NRDC: variants seen among roughly 807,000 people sequenced by gnomAD.
NRDC encodes nardilysin.
Under a neutral mutation model 147.1 loss-of-function variants are expected in NRDC, and 54 were observed. The ratio of observed to expected loss-of-function variants is 0.37; its 90% confidence interval spans 0.29 to 0.46. The LOEUF (loss-of-function observed/expected upper bound fraction) is 0.46. Ranked by LOEUF, NRDC falls within the 20% of genes least tolerant of loss-of-function variation. The pLI, the probability that NRDC is intolerant of heterozygous loss-of-function variation, is 1.00. For synonymous variants in NRDC, 440 were observed against 482.1 expected, an observed-to-expected ratio of 0.91 and a Z score of 1.14; for missense variants, 1,082 against 1,370.6, an observed-to-expected ratio of 0.79 and a Z score of 3.33.
Position 51,814,049 on chromosome 1 carries a change from G to T in NRDC, c.1660C>A (p.His554Asn). The change falls in exon 14 of 31, where the codon CAT becomes AAT. Residue 554 changes from histidine to asparagine, a missense_variant. His to Asn is a moderately conservative substitution (Grantham distance 68, BLOSUM62 1). Around this residue, in one of 3 missense-constraint regions of NRDC, gnomAD observed 635 missense variants for 923.8 expected, o/e 0.69. Transcript: ENST00000352171. ...EIRKIEDNEF[H>N]YQEQTDPVEY... ...ACTTCCAGTACCTGTTCTTGGTAAT[G>T]AAATTCATTATCCTCAATTTTCCGA... 2 of 1,602,066 alleles carry T rather than the reference G, an allele frequency of 1.2e-6. No individual in the cohort carries two copies. Among genetic ancestry groups the T allele is most frequent in the Non-Finnish European group, 1.7e-6 (2 of 1,169,916 alleles).
chr1:51,838,090 T>G (rs914942382), intron 2 of NRDC, among the ~76,000 whole-genome samples: 1 of 152,212 alleles, frequency 6.6e-6, no homozygotes, highest in African/African-American at 2.4e-5. Context: ...CTTTCACTAG[T>G]GAACCCATTG....
Position 51,852,689 on chromosome 1 carries a change from C to A in NRDC, c.342-12175G>T, listed in dbSNP as rs201912465. On this transcript the variant is annotated intron_variant, in intron 1 of 30. Coordinates refer to ENST00000352171, the MANE Select transcript of NRDC (RefSeq NM_001101662.2). ...CTGGCTTAGCAAATTCTGTGTGCTG[C>A]CCTGGAGTCTTAATTACTTCAGGTG... Among the ~76,000 whole-genome samples the A allele has an allele frequency of 5.9e-5, 9 of 151,738 alleles. No homozygotes were observed. In the East Asian group the frequency reaches 1.7e-3, roughly 29 times the overall value.
intron 1 of NRDC, among the ~76,000 whole-genome samples, chr1:51,854,700 G>C (rs899823790): frequency 6.6e-6 from 1 of 152,202 alleles, no homozygotes; most frequent in Admixed American, 6.5e-5. Context: ...AAGGTGGGAG[G>C]ATCACTTGAG....
In NRDC at chr1:51,840,499, C is replaced by T. The variant is rs1328669701; in HGVS notation, c.357G>A (p.Gln119=). ...DPKQYRYIKL[Q]NGLQALLISD... ...AAATCAGAAGTGCCTGCAAGCCATTCTGTAATTTGATGTATCTGGGGGGAG... is the reference window on the plus strand; with the variant it reads ...AAATCAGAAGTGCCTGCAAGCCATTTTGTAATTTGATGTATCTGGGGGGAG... The change falls in exon 2 of 31, where the codon CAG becomes CAA. Residue 119 remains glutamine, a synonymous_variant. Coordinates refer to ENST00000352171, the MANE Select transcript of NRDC (RefSeq NM_001101662.2). 1.2e-6 allele frequency: 2 copies of T among 1,602,838 alleles called. No individual in the cohort carries two copies. Among genetic ancestry groups the T allele is most frequent in the Non-Finnish European group, 8.5e-7 (1 of 1,175,864 alleles).
At chr1:51,820,645 ATCAATGGAAAT>A (rs1460283700) in intron 8 of NRDC, among the ~76,000 whole-genome samples, 1 of 152,184 alleles carries the variant, frequency 6.6e-6, no homozygotes, top group African/African-American at 2.4e-5. Flanking sequence ...ACTGCTAATT[ATCAATGGAAAT>A]TCATATAAAG....
In NRDC at chr1:51,825,350, T is replaced by G. The variant is rs1680398639; in HGVS notation, c.973A>C (p.Arg325=). The G allele has an allele frequency of 1.3e-6, 2 of 1,590,322 alleles. No individual in the cohort carries two copies. Among genetic ancestry groups the G allele is most frequent in the Admixed American group, 1.9e-5 (1 of 52,348 alleles). The change falls in exon 6 of 31, where the codon AGA becomes CGA. Residue 325 remains arginine, a synonymous_variant. Transcript: ENST00000352171. ...AGGCTTCCAAACAACATTTCCTTTC[T>G]GTTTGCATCAGAAGGCCTTGCAAGT... The part of the protein sequence containing the change: ...YQLARPSDAN[R]KEMLFGSLAR...
intron 14 of NRDC, among the ~76,000 whole-genome samples, chr1:51,812,961 CAAAAAAAAA>C (rs5774107): frequency 1.4e-5 from 1 of 71,816 alleles, no homozygotes; most frequent in East Asian, 4.6e-4. Flanking sequence ...GACTCTGTCT[CAAAAAAAAA>C]AAAAAAAAAA....
chr1:51,870,773 C>A, intron 1 of NRDC, among the ~76,000 whole-genome samples: 1 of 144,334 alleles, frequency 6.9e-6, no homozygotes, highest in East Asian at 1.9e-4. Flanking sequence ...ATTATGAATA[C>A]AGACAGTATT....
chr1:51,789,377 A>C lies in NRDC; in HGVS notation c.3315T>G (p.Asp1105Glu). Residue 1105 changes from aspartate to glutamate, a missense_variant, in exon 31 of 31, where the codon GAT becomes GAG. By Grantham distance (45) the Asp-to-Glu change is conservative. This residue lies in a region of NRDC where 187 missense variants were observed against 193.6 expected (regional missense o/e 0.97). Transcript: ENST00000352171. Reference protein sequence around the residue: ...LEEDGTPSSEDSNSSCEVMQL... With the variant: ...LEEDGTPSSEESNSSCEVMQL... ...GCATCACTTCACAAGAAGAATTTGAATCCTCACTAGAAGGGGTACCATCCT... is the reference window on the plus strand; with the variant it reads ...GCATCACTTCACAAGAAGAATTTGACTCCTCACTAGAAGGGGTACCATCCT... 3.1e-6 allele frequency: 5 copies of C among 1,614,164 alleles called. No homozygotes were observed. Among genetic ancestry groups the C allele is most frequent in the Non-Finnish European group, 4.2e-6 (5 of 1,180,010 alleles).
chr1:51,853,864 CTTT>C (rs1354392748), intron 1 of NRDC, among the ~76,000 whole-genome samples: 1 of 152,140 alleles, frequency 6.6e-6, no homozygotes, highest in African/African-American at 2.4e-5. Context: ...TGGTTTTCTT[CTTT>C]CTTTTCTTGG....
chr1:51,831,040 A>C (rs902016369), intron 4 of NRDC, among the ~76,000 whole-genome samples: 39 of 152,306 alleles, frequency 2.6e-4, no homozygotes, highest in Non-Finnish European at 4.3e-4. Context: ...TTATGGCATA[A>C]ATTTATGATT....
chr1:51,871,047 T>C (rs1268019474), intron 1 of NRDC, among the ~76,000 whole-genome samples: 2 of 152,116 alleles, frequency 1.3e-5, no homozygotes, highest in Non-Finnish European at 2.9e-5. Context: ...CCGGGCGTGG[T>C]GCCTCAGGCC....
chr1:51,789,526 A>ATGAC (rs1337044930), intron 30 of NRDC, 42 bp downstream of exon 30: 2 of 1,591,908 alleles, frequency 1.3e-6, no homozygotes, highest in Admixed American at 1.7e-5. Context: ...CACTCAGTAA[A>ATGAC]TGACAACCCT....
At chr1:51,817,089 TTTTCTGTATA>T (rs1164427402) in intron 10 of NRDC, among the ~76,000 whole-genome samples, 2 of 152,080 alleles carry the variant, frequency 1.3e-5, no homozygotes, top group African/African-American at 4.8e-5. Flanking sequence ...AAAAATTGAG[TTTTCTGTATA>T]TTTCTGTATA....
intron 1 of NRDC, among the ~76,000 whole-genome samples, chr1:51,866,349 A>C (rs546167451): frequency 1.2e-3 from 182 of 152,328 alleles, no homozygotes; most frequent in African/African-American, 4.2e-3. Flanking sequence ...GAAGAGTACT[A>C]ATGGCAATAT....
chr1:51,794,436 T>A (rs1247089170), intron 24 of NRDC, 36 bp downstream of exon 24: 1 of 1,606,930 alleles, frequency 6.2e-7, no homozygotes, highest in African/African-American at 1.3e-5. Flanking sequence ...CCCCAGGCAC[T>A]GGGCCTTCCG....
At chr1:51,849,157 C>T (rs948725832) in intron 1 of NRDC, among the ~76,000 whole-genome samples, 9 of 151,366 alleles carry the variant, frequency 5.9e-5, no homozygotes, top group Middle Eastern at 3.4e-3. Context: ...GAGGCCGAGA[C>T]GGGCGGATCA....
At chr1:51,868,027 T>A (rs770819731) in intron 1 of NRDC, among the ~76,000 whole-genome samples, 4 of 152,070 alleles carry the variant, frequency 2.6e-5, no homozygotes, top group Non-Finnish European at 5.9e-5. Context: ...GAATAATTAG[T>A]GGAACATAAA....
Position 51,821,509 on chromosome 1 carries a change from C to G in NRDC, c.1206G>C (p.Gln402His), listed in dbSNP as rs1199575911. 55 of 1,603,112 alleles carry G rather than the reference C, an allele frequency of 3.4e-5. No individual in the cohort carries two copies. The highest frequency in any genetic ancestry group is 4.5e-5 in the Non-Finnish European group (53 of 1,170,324). The change falls in exon 8 of 31, where the codon CAG becomes CAC. Residue 402 changes from glutamine to histidine, a missense_variant. Physicochemically the swap from Gln to His is conservative, Grantham distance 24 (BLOSUM62 0). Around this residue, in one of 3 missense-constraint regions of NRDC, gnomAD observed 635 missense variants for 923.8 expected, o/e 0.69. Transcript: ENST00000352171. ...LEKWVTEIFS[Q>H]IPNNGLPRPN... Reference sequence around the variant, plus strand: ...AATAAATATCTTACTTGTTTGGTATCTGAGAGAAGATTTCAGTCACCCACT... The same window carrying G: ...AATAAATATCTTACTTGTTTGGTATGTGAGAGAAGATTTCAGTCACCCACT...
Sources: gnomAD v4.1 joint callset for allele counts (sites outside exome capture counted in the v4.1 genomes callset) on GRCh38, gnomAD v4.1.1 for gene constraint, gnomAD v4.1.1 regional missense constraint, MANE v1.5 for transcripts, NCBI Gene and HGNC (gene_info 2026-07-23, HGNC 2026-07-21) for gene names.